The following METTL4 variants were observed in gnomAD, a reference collection of about 807,000 sequenced individuals.
The protein encoded by METTL4 is methyltransferase 4, N6-adenosine.
Under a neutral mutation model 54.0 loss-of-function variants are expected in METTL4, and 40 were observed. That is an observed-to-expected ratio of 0.74 (90% CI 0.58 to 0.96). The LOEUF is 0.96. Among genes scored for constraint, METTL4 ranks in the 50% least tolerant of loss-of-function variants. METTL4 has a pLI of 0.00. For synonymous variants in METTL4, 169 were observed against 183.8 expected (o/e 0.92, Z 0.65); for missense variants, 525 against 549.0 (o/e 0.96, Z 0.44).
chr18:2,564,247 CA>C (rs11457097), intron 2 of METTL4, among the ~76,000 whole-genome samples: 118 of 142,316 alleles, frequency 8.3e-4, no homozygotes, highest in Middle Eastern at 3.6e-3. Flanking sequence ...ACTAAAAATA[CA>C]AAAAAAAAAA....
chr18:2,566,809 A>T lies in METTL4; in HGVS notation c.396+12T>A, dbSNP rs761949524. The T allele has an allele frequency of 6.6e-7, 1 of 1,523,340 alleles. No homozygotes were observed. Among genetic ancestry groups the T allele is most frequent in the Admixed American group, 2.2e-5 (1 of 45,250 alleles). 94.4% of individuals were successfully genotyped at this position (1,523,340 alleles called of 1,614,324 possible). A position where few individuals can be genotyped will look rare whatever the true frequency, so the allele number is the denominator to read the frequency against. ...TTCTGGAGAAAAATAAATATTTCTT[A>T]AAACTTTCTACCTTCCCAATAATAG... On this transcript the variant is annotated intron_variant, in intron 2 of 8. Coordinates refer to ENST00000574538, the MANE Select transcript of METTL4 (RefSeq NM_022840.5).
chr18:2,566,649 G>A (rs569504512), intron 2 of METTL4, 172 bp downstream of exon 2: 12 of 427,548 alleles, frequency 2.8e-5, no homozygotes, highest in East Asian at 2.4e-4. Context: ...GGTCTTCTAA[G>A]AATAGTTGAA....
rs2071939003 is a variant in METTL4, at chr18:2,538,241, C to A, written c.*759G>T. 4.0e-6 allele frequency: 1 copy of A among 253,076 alleles called. No homozygotes were observed. Among genetic ancestry groups the A allele is most frequent in the Admixed American group, 5.4e-5 (1 of 18,508 alleles). The allele number at this position is 253,076 out of a possible 1,614,324, so 15.7% of individuals were successfully genotyped here. A position where few individuals can be genotyped will look rare whatever the true frequency, so the allele number is the denominator to read the frequency against. ...ATGTTTATTATAAGGAATAGCTTTT[C>A]ATTTTCTTCTAGAAAAACAAGCAAA... is the stretch of plus-strand genomic sequence containing the variant. On this transcript the variant is annotated 3_prime_UTR_variant, in exon 9 of 9. Coordinates refer to ENST00000574538, the MANE Select transcript of METTL4 (RefSeq NM_022840.5).
intron 2 of METTL4, 76 bp downstream of exon 2, chr18:2,566,745 G>T: frequency 8.4e-7 from 1 of 1,185,912 alleles, no homozygotes; most frequent in Non-Finnish European, 1.1e-6. Flanking sequence ...CGAATCACCA[G>T]ATATTTAAGA....
intron 5 of METTL4, among the ~76,000 whole-genome samples, chr18:2,551,184 AAG>A (rs914531043): frequency 4.0e-5 from 6 of 151,184 alleles, no homozygotes; most frequent in Non-Finnish European, 8.9e-5. Flanking sequence ...AAAAAAAAAA[AAG>A]AATATTATAT....
chr18:2,541,695 G>A (rs1425327302), intron 8 of METTL4, among the ~76,000 whole-genome samples: 5 of 151,388 alleles, frequency 3.3e-5, no homozygotes, highest in African/African-American at 1.2e-4. Context: ...AATGCCATAT[G>A]CTACCAATGT....
chr18:2,549,148 A>G (rs544019887), intron 5 of METTL4, among the ~76,000 whole-genome samples: 24 of 152,274 alleles, frequency 1.6e-4, no homozygotes, highest in Non-Finnish European at 3.4e-4. Context: ...TCTCCTTTAT[A>G]TACCTTTACT....
chr18:2,570,301 T>C (rs1056776796), intron 1 of METTL4, among the ~76,000 whole-genome samples: 4 of 152,170 alleles, frequency 2.6e-5, no homozygotes, highest in Admixed American at 2.0e-4. Flanking sequence ...AGCAGGAATA[T>C]CAGGAAATTG....
intron 8 of METTL4, among the ~76,000 whole-genome samples, chr18:2,542,091 T>TG (rs1372853297): frequency 6.6e-6 from 1 of 152,228 alleles, no homozygotes; most frequent in Non-Finnish European, 1.5e-5. Context: ...ATCTAACTTT[T>TG]GTCTTTAAAT....
intron 3 of METTL4, among the ~76,000 whole-genome samples, chr18:2,559,879 G>T (rs138824882): frequency 1.1e-4 from 16 of 152,174 alleles, no homozygotes; most frequent in African/African-American, 3.4e-4. Context: ...GGGGTTATAG[G>T]TGCCCACAAC....
At chr18:2,565,794 G>T (rs897484730) in intron 2 of METTL4, among the ~76,000 whole-genome samples, 2 of 151,984 alleles carry the variant, frequency 1.3e-5, no homozygotes, top group Non-Finnish European at 2.9e-5. Context: ...TGTTGAGGCC[G>T]GGTGCAGTGG....
chr18:2,561,402 C>T (rs902445063), intron 3 of METTL4: 4 of 152,058 alleles, frequency 2.6e-5, no homozygotes, highest in African/African-American at 4.8e-5. Flanking sequence ...TTTTACACAA[C>T]GACAAAACAA....
chr18:2,552,618 T>G (rs904059557), intron 5 of METTL4, 77 bp downstream of exon 5: 1 of 893,104 alleles, frequency 1.1e-6, no homozygotes, highest in African/African-American at 1.7e-5. Context: ...CATAAAGTAA[T>G]GTCAATAGTA....
chr18:2,540,137 G>A (rs2143459316), intron 8 of METTL4: 1 of 985,020 alleles, frequency 1.0e-6, no homozygotes, highest in Non-Finnish European at 1.2e-6. Context: ...AAGAGCTGTA[G>A]GCTAAAGAGC....
intron 2 of METTL4, among the ~76,000 whole-genome samples, chr18:2,565,831 G>C (rs1173451486): frequency 1.3e-5 from 2 of 152,012 alleles, no homozygotes; most frequent in Non-Finnish European, 2.9e-5. Flanking sequence ...CAGATCACGA[G>C]GTCAGGAGAT....
chr18:2,544,407 A>G, intron 7 of METTL4, 121 bp from the exon 8 acceptor site: 1 of 707,984 alleles, frequency 1.4e-6, no homozygotes, highest in Middle Eastern at 4.0e-4. Context: ...TTTTACAATC[A>G]ATGAAAGAAA....
Position 2,571,442 on chromosome 18 carries a change from T to C in METTL4, c.-732A>G, listed in dbSNP as rs2072507096. 6.6e-6 allele frequency: 1 copy of C among 152,216 alleles called. No homozygotes were observed. The highest frequency in any genetic ancestry group is 1.5e-5 in the Non-Finnish European group (1 of 68,028). 9.4% of individuals were successfully genotyped at this position (152,216 alleles called of 1,614,324 possible). A position where few individuals can be genotyped will look rare whatever the true frequency, so the allele number is the denominator to read the frequency against. On this transcript the variant is annotated 5_prime_UTR_variant, in exon 1 of 9. Transcript: ENST00000574538. Reference sequence around the variant, plus strand: ...GCCACACTGGCCCACAGACCCCAGTTCCTGGGGTGACGCAGCTGGGCGCGA... The same window carrying C: ...GCCACACTGGCCCACAGACCCCAGTCCCTGGGGTGACGCAGCTGGGCGCGA...
intron 6 of METTL4, among the ~76,000 whole-genome samples, chr18:2,545,676 T>G (rs143926297): frequency 4.6e-5 from 7 of 152,216 alleles, no homozygotes; most frequent in Non-Finnish European, 1.0e-4. Context: ...CCGATATCAA[T>G]GTACCTAAAC....
chr18:2,560,476 G>A lies in METTL4; in HGVS notation c.459+3321C>T, dbSNP rs117587097. 0.013 allele frequency among the ~76,000 whole-genome samples: 1,948 copies of A among 152,206 alleles called. 80 individuals are homozygous for A. In the East Asian group the frequency reaches 0.13, roughly 10 times the overall value. On this transcript the variant is annotated intron_variant, in intron 3 of 8. Transcript: ENST00000574538. ...CGAGAGGGCTAATAAGTTCTCCAGC[G>A]TGCAAACATCCTACATATTTACATA...
Sources: allele counts gnomAD v4.1 joint callset (sites outside exome capture counted in the v4.1 genomes callset), GRCh38; gene constraint gnomAD v4.1.1; transcripts MANE v1.5; gene names NCBI Gene and HGNC (gene_info 2026-07-23, HGNC 2026-07-21).